The following SLC30A6 variants were observed in gnomAD, a reference collection of about 807,000 sequenced individuals.
SLC30A6 encodes the protein solute carrier family 30 member 6, also known as zinc transporter 6.
Under a neutral mutation model 63.0 loss-of-function variants are expected in SLC30A6, and 55 were observed. That is an observed-to-expected ratio of 0.87 (90% confidence interval 0.70 to 1.09). SLC30A6 has a LOEUF of 1.09. Among genes scored for constraint, SLC30A6 ranks in the 50% least tolerant of loss-of-function variants. SLC30A6 has a pLI of 0.00. For missense variants in SLC30A6, 587 were observed against 549.2 expected, an observed-to-expected ratio of 1.07 and a Z score of -0.69; for synonymous variants, 224 against 186.1, an observed-to-expected ratio of 1.20 and a Z score of -1.66.
At chr2:32,187,015 A>C (rs1009072592) in intron 5 of SLC30A6, 3 of 337,904 alleles carry the variant, frequency 8.9e-6, no homozygotes, top group Non-Finnish European at 1.7e-5. Flanking sequence ...AAAAAAAAAA[A>C]GAAAGAAAAA....
intron 7 of SLC30A6, 150 bp from the exon 8 acceptor site, chr2:32,193,739 T>G (rs212751): frequency 1.7e-6 from 1 of 599,774 alleles, no homozygotes; most frequent in Non-Finnish European, 2.9e-6. Flanking sequence ...ATGGGGCTAG[T>G]AACTAAGTTC....
chr2:32,217,017 T>C (rs1685769448), intron 13 of SLC30A6, among the ~76,000 whole-genome samples: 1 of 152,054 alleles, frequency 6.6e-6, no homozygotes, highest in African/African-American at 2.4e-5. Flanking sequence ...GCCTCCCAAG[T>C]AGCTGAAACT....
chr2:32,184,050 A>G (rs1682593844), intron 4 of SLC30A6, among the ~76,000 whole-genome samples: 1 of 152,182 alleles, frequency 6.6e-6, no homozygotes, highest in East Asian at 1.9e-4. Context: ...GTTCCTTCAC[A>G]TGTTAAAATC....
intron 13 of SLC30A6, among the ~76,000 whole-genome samples, chr2:32,215,114 G>C (rs1384733233): frequency 6.6e-6 from 1 of 152,150 alleles, no homozygotes; most frequent in Non-Finnish European, 1.5e-5. Context: ...TTTATGTTTT[G>C]TAAGAATTTT....
At chr2:32,188,723 C>CT (rs1050407838) in intron 5 of SLC30A6, among the ~76,000 whole-genome samples, 1 of 152,082 alleles carries the variant, frequency 6.6e-6, no homozygotes, top group Admixed American at 6.6e-5. Flanking sequence ...GGGACCCTGT[C>CT]TTGTTTTCTG....
In SLC30A6 at chr2:32,220,193, T is replaced by C. The variant is rs1170979163; in HGVS notation, c.886-20T>C. The C allele has an allele frequency of 6.3e-7, 1 of 1,591,980 alleles. No homozygotes were observed. Among genetic ancestry groups the C allele is most frequent in the Non-Finnish European group, 8.6e-7 (1 of 1,165,768 alleles). Reference sequence around the variant, plus strand: ...GTATAATTCTAAGCAATCTCTTTGTTATGATTTTGCCCCTTTTAGGCTGGA... The same window carrying C: ...GTATAATTCTAAGCAATCTCTTTGTCATGATTTTGCCCCTTTTAGGCTGGA... On this transcript the variant is annotated intron_variant, in intron 13 of 13. Coordinates refer to ENST00000282587, the MANE Select transcript of SLC30A6 (RefSeq NM_017964.5).
intron 10 of SLC30A6, chr2:32,203,844 G>C: frequency 7.4e-7 from 1 of 1,352,178 alleles, no homozygotes; most frequent in Admixed American, 1.7e-5. Context: ...GGAGTGGTTG[G>C]TCAAGTGGCC....
At chr2:32,207,405 C>A (rs939881252) in intron 12 of SLC30A6, among the ~76,000 whole-genome samples, 1 of 151,228 alleles carries the variant, frequency 6.6e-6, no homozygotes, top group African/African-American at 2.4e-5. Flanking sequence ...GAGACAGAGT[C>A]TTGCTCTGTC....
At chr2:32,202,237 T>G (rs1424022987) in intron 10 of SLC30A6, 2 of 775,944 alleles carry the variant, frequency 2.6e-6, no homozygotes, top group Admixed American at 5.3e-5. Context: ...AGGAAAAGAT[T>G]TAATAGCTCA....
chr2:32,192,976 T>A, intron 7 of SLC30A6, 23 bp downstream of exon 7: 1 of 1,407,298 alleles, frequency 7.1e-7, no homozygotes, highest in Non-Finnish European at 9.8e-7. Context: ...TTTCAATATA[T>A]AATTTACTAT....
intron 4 of SLC30A6, 29 bp from the exon 5 acceptor site, chr2:32,184,244 A>G (rs756337143): frequency 5.5e-5 from 73 of 1,321,330 alleles, no homozygotes; most frequent in Non-Finnish European, 7.6e-5. Context: ...TCTAGTTCTA[A>G]TACTAAATTT....
At chr2:32,204,791 A>G in intron 11 of SLC30A6, 99 bp downstream of exon 11, 2 of 426,842 alleles carry the variant, frequency 4.7e-6, no homozygotes, top group East Asian at 4.9e-5. Context: ...TGAAATTTTT[A>G]TTTTTATTTT....
rs1306531341 is a variant in SLC30A6, at chr2:32,220,513, G to T, written c.1186G>T (p.Val396Leu). 1.9e-6 allele frequency: 3 copies of T among 1,614,078 alleles called. No homozygotes were observed. Among genetic ancestry groups the T allele is most frequent in the African/African-American group, 1.3e-5 (1 of 74,934 alleles). ...EFSFNTPGKN[V>L]NPVILLNTQT... ...TTCATTTAACACTCCTGGGAAAAAT[G>T]TGAACCCAGTTATTCTTCTAAACAC... Residue 396 changes from valine (V) to leucine (L), a missense_variant, in exon 14 of 14, where the codon GTG becomes TTG. Coordinates refer to ENST00000282587, the MANE Select transcript of SLC30A6 (RefSeq NM_017964.5).
At position 32,193,995 on chromosome 2, in the gene SLC30A6, A is replaced by G. The variant is rs1553334225; in HGVS notation, c.496+12A>G. On this transcript the variant is annotated intron_variant, in intron 8 of 13. Coordinates refer to ENST00000282587, the MANE Select transcript of SLC30A6 (RefSeq NM_017964.5). Reference sequence around the variant, plus strand: ...TTATGTCTCAGAAGGTATGTTTTTTATTTACTATTAATTTAAAAATCCAAC... The same window carrying G: ...TTATGTCTCAGAAGGTATGTTTTTTGTTTACTATTAATTTAAAAATCCAAC... 1.9e-6 allele frequency: 3 copies of G among 1,592,222 alleles called. No individual in the cohort carries two copies. The highest frequency in any genetic ancestry group is 2.3e-5 in the South Asian group (2 of 87,724).
chr2:32,219,874 T>G (rs1686022734), intron 13 of SLC30A6, among the ~76,000 whole-genome samples: 1 of 152,258 alleles, frequency 6.6e-6, no homozygotes, highest in Non-Finnish European at 1.5e-5. Flanking sequence ...AAATGCCATC[T>G]TCTTTTGAAG....
chr2:32,175,592 A>G (rs1415283207), intron 4 of SLC30A6, among the ~76,000 whole-genome samples: 1 of 151,182 alleles, frequency 6.6e-6, no homozygotes, highest in Non-Finnish European at 1.5e-5. Context: ...ATTATGAAGA[A>G]GTTTTCTTTG....
At chr2:32,201,948 T>C (rs533181147) in intron 10 of SLC30A6, 13 of 1,466,114 alleles carry the variant, frequency 8.9e-6, no homozygotes, top group African/African-American at 2.8e-5. Flanking sequence ...AAGGATTTAA[T>C]AGACTTTCAG....
Position 32,206,872 on chromosome 2 carries a change from G to A in SLC30A6, c.769-14G>A. ...CTTCCCCCATTATTCATATTTTATTGTATTTTTCCCCAGACAACACCACCC... is the reference window on the plus strand; with the variant it reads ...CTTCCCCCATTATTCATATTTTATTATATTTTTCCCCAGACAACACCACCC... On this transcript the variant is annotated splice_polypyrimidine_tract_variant and intron_variant, in intron 11 of 13. Coordinates refer to ENST00000282587, the MANE Select transcript of SLC30A6 (RefSeq NM_017964.5). 6.2e-7 allele frequency: 1 copy of A among 1,607,664 alleles called. No homozygotes were observed. Among genetic ancestry groups the A allele is most frequent in the Non-Finnish European group, 8.5e-7 (1 of 1,174,476 alleles).
At chr2:32,172,770 A>G (rs1483912687) in intron 2 of SLC30A6, among the ~76,000 whole-genome samples, 1 of 152,136 alleles carries the variant, frequency 6.6e-6, no homozygotes, top group East Asian at 1.9e-4. Flanking sequence ...TTGTTCATTC[A>G]ATTTTCCAAT....
Sources: gnomAD v4.1 joint callset for allele counts (sites outside exome capture counted in the v4.1 genomes callset) on GRCh38, gnomAD v4.1.1 for gene constraint, MANE v1.5 for transcripts, NCBI Gene and HGNC (gene_info 2026-07-23, HGNC 2026-07-21) for gene names.